The following HOXD3 variants were observed in gnomAD, a reference collection of about 807,000 sequenced individuals.
HOXD3 encodes the protein homeobox D3.
In HOXD3, 13 loss-of-function variants were observed where a neutral mutation model predicts 32.8. The observed-to-expected ratio is 0.40, with a 90% CI of 0.26 to 0.63. HOXD3 has a LOEUF of 0.63. HOXD3 is among the 20% of genes least tolerant of loss of function. HOXD3 has a pLI of 0.44. For synonymous variants in HOXD3, 241 were observed against 246.8 expected (o/e 0.98, Z 0.22); for missense variants, 504 against 577.1 (o/e 0.87, Z 1.30).
upstream of HOXD3, among the ~76,000 whole-genome samples, chr2:176,155,777 G>A (rs961632647): frequency 3.9e-5 from 6 of 152,164 alleles, no homozygotes; most frequent in African/African-American, 1.4e-4. Context: ...GTTTGTGTTG[G>A]TGTTTTAAAA....
At chr2:176,161,292 C>T (rs144533057) in intron 1 of HOXD3, among the ~76,000 whole-genome samples, 1 of 152,280 alleles carries the variant, frequency 6.6e-6, no homozygotes, top group East Asian at 1.9e-4. Flanking sequence ...ACGTTCCCCG[C>T]CTACCAAAGG....
At chr2:176,157,570 AGTT>A (rs1293655710) in intron 1 of HOXD3, among the ~76,000 whole-genome samples, 118 bp downstream of exon 1, 1 of 152,014 alleles carries the variant, frequency 6.6e-6, no homozygotes, top group Non-Finnish European at 1.5e-5. Context: ...GCCGGCGAGA[AGTT>A]GTTAGTGGCT....
intron 2 of HOXD3, chr2:176,165,471 C>A (rs1024223438): frequency 2.6e-5 from 4 of 152,396 alleles, no homozygotes; most frequent in Admixed American, 2.0e-4. Flanking sequence ...TACCTTCCTT[C>A]CGGCAGGAGA....
rs372195235 is a variant in HOXD3 at position 176,172,058 on chromosome 2, C to G, written c.1083C>G (p.Asn361Lys). The stretch of plus-strand genomic sequence containing the variant: ...GCAGCCCGGTGTACGTGGGCGGCAA[C>G]TTCGTCGAGTCCATGGCGCCCGCGT... ...LQGSPVYVGG[N>K]FVESMAPASG... The change falls in exon 4 of 4, where the codon AAC becomes AAG. Residue 361 changes from asparagine (N) to lysine (K), a missense_variant. Coordinates refer to ENST00000683222, the MANE Select transcript of HOXD3 (RefSeq NM_006898.5). The G allele has an allele frequency of 6.3e-5, 101 of 1,609,594 alleles. No homozygotes were observed. Among genetic ancestry groups the G allele is most frequent in the Non-Finnish European group, 4.8e-5 (57 of 1,179,238 alleles).
In HOXD3 at chr2:176,162,683, G is replaced by A. The variant is rs994599676; in HGVS notation, c.-180-1390G>A. 2.0e-5 allele frequency among the ~76,000 whole-genome samples: 3 copies of A among 152,072 alleles called. No homozygotes were observed. In the South Asian group the frequency reaches 6.2e-4, roughly 31 times the overall value. On this transcript the variant is annotated intron_variant, in intron 1 of 3. Coordinates refer to ENST00000683222, the MANE Select transcript of HOXD3 (RefSeq NM_006898.5). ...CCTTTCTTCTTCCCAAGCCTCTTAC[G>A]CCAAGAGCTCAAAGCGCACCGCGCA...
chr2:176,162,063 A>T (rs1432443880), intron 1 of HOXD3, among the ~76,000 whole-genome samples: 1 of 152,242 alleles, frequency 6.6e-6, no homozygotes, highest in East Asian at 1.9e-4. Context: ...AGCAAGGAGC[A>T]TTCCCTTAGC....
At chr2:176,155,765 G>A (rs1559135466), upstream of HOXD3, among the ~76,000 whole-genome samples, 1 of 152,210 alleles carries the variant, frequency 6.6e-6, no homozygotes, top group Non-Finnish European at 1.5e-5. Flanking sequence ...TGAGCCAGAA[G>A]TGTTTGTGTT....
intron 1 of HOXD3, 102 bp from the exon 2 acceptor site, chr2:176,163,971 T>A (rs1690887449): frequency 6.6e-6 from 1 of 152,176 alleles, no homozygotes; most frequent in Non-Finnish European, 1.5e-5. Context: ...TATACAATAG[T>A]CACATTGACT....
At chr2:176,171,082 T>C (rs540305359) in intron 3 of HOXD3, among the ~76,000 whole-genome samples, 34 of 152,288 alleles carry the variant, frequency 2.2e-4, no homozygotes, top group African/African-American at 7.0e-4. Context: ...GCTGGAGCTA[T>C]TTCCTCTTCC....
At position 176,172,047 on chromosome 2, in the gene HOXD3, G is replaced by C. The variant is rs558728405; in HGVS notation, c.1072G>C (p.Val358Leu). Residue 358 changes from valine (V) to leucine (L), a missense_variant, in exon 4 of 4, where the codon GTG becomes CTG. Coordinates refer to ENST00000683222, the MANE Select transcript of HOXD3 (RefSeq NM_006898.5). The part of the protein sequence containing the change: ...SANLQGSPVY[V>L]GGNFVESMAP... ...CAACTTGCAGGGCAGCCCGGTGTACGTGGGCGGCAACTTCGTCGAGTCCAT... is the reference window on the plus strand; with the variant it reads ...CAACTTGCAGGGCAGCCCGGTGTACCTGGGCGGCAACTTCGTCGAGTCCAT... 6.2e-7 allele frequency: 1 copy of C among 1,608,848 alleles called. No homozygotes were observed. The highest frequency in any genetic ancestry group is 1.3e-5 in the African/African-American group (1 of 75,048).
chr2:176,165,137 A>G (rs1311309266), intron 2 of HOXD3: 1 of 152,208 alleles, frequency 6.6e-6, no homozygotes, highest in Non-Finnish European at 1.5e-5. Context: ...CCTGCTTTCC[A>G]CTGCTGAAAA....
chr2:176,162,828 A>C (rs945970652), intron 1 of HOXD3, among the ~76,000 whole-genome samples: 5 of 152,214 alleles, frequency 3.3e-5, no homozygotes, highest in African/African-American at 1.2e-4. Flanking sequence ...TCTTCTTTTG[A>C]GGGGATGCTC....
At position 176,172,438 on chromosome 2, in the gene HOXD3, G is replaced by A; in HGVS notation, c.*164G>A. ...CAGCGGCGGAGGCGCAGGCGACCGG[G>A]CCTCCCCTCCATGGGCGTCCTTTGG... On this transcript the variant is annotated 3_prime_UTR_variant, in exon 4 of 4. Transcript: ENST00000683222. The A allele has an allele frequency of 4.7e-6, 3 of 638,430 alleles. No homozygotes were observed. Among genetic ancestry groups the A allele is most frequent in the Non-Finnish European group, 5.3e-6 (2 of 378,214 alleles). The allele number at this position is 638,430 out of a possible 1,614,324, so 39.5% of individuals were successfully genotyped here. A position where few individuals can be genotyped will look rare whatever the true frequency, so the allele number is the denominator to read the frequency against.
At chr2:176,170,245 G>T (rs1245804905) in intron 3 of HOXD3, among the ~76,000 whole-genome samples, 2 of 152,200 alleles carry the variant, frequency 1.3e-5, no homozygotes. Context: ...AATCCAGTCA[G>T]TCTGGCTTTA....
chr2:176,156,728 G>A (rs2105428198), upstream of HOXD3, among the ~76,000 whole-genome samples: 1 of 152,224 alleles, frequency 6.6e-6, no homozygotes, highest in East Asian at 1.9e-4. Flanking sequence ...TTACCGCAAG[G>A]GCTTCTTTAC....
intron 3 of HOXD3, among the ~76,000 whole-genome samples, chr2:176,170,803 A>T (rs567449698): frequency 1.3e-5 from 2 of 151,994 alleles, no homozygotes; most frequent in East Asian, 3.9e-4. Context: ...GTGGCAGGGT[A>T]GTAAAAGCCA....
chr2:176,168,602 C>T (rs1347900445), intron 2 of HOXD3, among the ~76,000 whole-genome samples: 1 of 133,080 alleles, frequency 7.5e-6, no homozygotes, highest in Non-Finnish European at 1.6e-5. Context: ...GACATGTAGC[C>T]AGGCATGGTG....
chr2:176,158,414 T>G (rs1323507151), intron 1 of HOXD3, among the ~76,000 whole-genome samples: 2 of 152,196 alleles, frequency 1.3e-5, no homozygotes, highest in African/African-American at 4.8e-5. Context: ...GGTCGTGGGC[T>G]GGGGCAGTAG....
rs747228372 is a variant in HOXD3 at position 176,172,262 on chromosome 2, G to C, written c.1287G>C (p.Leu429=). ...SQGRLPEAPK[L]THL ...GACGACTGCCGGAGGCTCCCAAACT[G>C]ACGCATCTGTAGCGGCCGCCGCCAG... Residue 429 remains leucine, a synonymous_variant, in exon 4 of 4, where the codon CTG becomes CTC. Coordinates refer to ENST00000683222, the MANE Select transcript of HOXD3 (RefSeq NM_006898.5). 1 of 1,600,968 alleles carries C rather than the reference G, an allele frequency of 6.2e-7. No individual in the cohort carries two copies. Among genetic ancestry groups the C allele is most frequent in the African/African-American group, 1.3e-5 (1 of 74,786 alleles).
Sources: allele counts gnomAD v4.1 joint callset (sites outside exome capture counted in the v4.1 genomes callset), GRCh38; gene constraint gnomAD v4.1.1; transcripts MANE v1.5; gene names NCBI Gene and HGNC (gene_info 2026-07-23, HGNC 2026-07-21).